The following TBC1D15 variants were observed in gnomAD, a reference collection of about 807,000 sequenced individuals.
The protein encoded by TBC1D15 is TBC1 domain family member 15.
TBC1D15 carries 39 observed loss-of-function variants against 95.4 expected under a neutral mutation model. The ratio of observed to expected loss-of-function variants is 0.41; its 90% CI spans 0.32 to 0.53. The LOEUF (loss-of-function observed/expected upper bound fraction) is 0.53, where lower values mean the gene tolerates loss of function less well. Among genes scored for constraint, TBC1D15 ranks in the 20% least tolerant of loss-of-function variants. The pLI, the probability that TBC1D15 is intolerant of heterozygous loss-of-function variation, is 0.29. For missense variants in TBC1D15, 733 were observed against 794.3 expected, an observed-to-expected ratio of 0.92 and a Z score of 0.93; for synonymous variants, 258 against 261.3, an observed-to-expected ratio of 0.99 and a Z score of 0.12.
At chr12:71,888,259 G>A (rs373574741) in intron 5 of TBC1D15, among the ~76,000 whole-genome samples, 15 of 152,226 alleles carry the variant, frequency 9.9e-5, no homozygotes, top group African/African-American at 2.6e-4. Context: ...TGAGGTGGGC[G>A]GATCACTTGA....
intron 1 of TBC1D15, among the ~76,000 whole-genome samples, chr12:71,855,628 A>G (rs1023837101): frequency 1.4e-5 from 2 of 141,102 alleles, no homozygotes; most frequent in Admixed American, 7.8e-5. Context: ...AGATCGCACC[A>G]CTGCACTCCA....
At chr12:71,866,326 C>T (rs1365931066) in intron 1 of TBC1D15, among the ~76,000 whole-genome samples, 1 of 152,212 alleles carries the variant, frequency 6.6e-6, no homozygotes, top group African/African-American at 2.4e-5. Flanking sequence ...TGGGGGAGCA[C>T]AGCTATTTAG....
chr12:71,903,672 A>G (rs149180212), intron 10 of TBC1D15, among the ~76,000 whole-genome samples: 85 of 152,366 alleles, frequency 5.6e-4, no homozygotes, highest in Middle Eastern at 6.8e-3. Context: ...GCACCATAGA[A>G]TGCTATGCAG....
chr12:71,896,418 A>C (rs972828319), intron 8 of TBC1D15: 2 of 458,020 alleles, frequency 4.4e-6, no homozygotes, highest in African/African-American at 4.1e-5. Flanking sequence ...GCTTAGACTC[A>C]CCAGTCACAC....
At chr12:71,871,159 T>G (rs1223317155) in intron 1 of TBC1D15, among the ~76,000 whole-genome samples, 2 of 152,186 alleles carry the variant, frequency 1.3e-5, no homozygotes, top group Non-Finnish European at 2.9e-5. Flanking sequence ...CCTTAAATGT[T>G]TAAACTTACT....
At chr12:71,874,757 G>A (rs1048365212) in intron 3 of TBC1D15, among the ~76,000 whole-genome samples, 27 of 150,538 alleles carry the variant, frequency 1.8e-4, no homozygotes, top group Non-Finnish European at 3.8e-4. Flanking sequence ...CAAGTAGCTG[G>A]GATTACAGGT....
chr12:71,896,634 C>T (rs775911576), intron 8 of TBC1D15, 43 bp from the exon 9 acceptor site: 23 of 1,520,064 alleles, frequency 1.5e-5, no homozygotes, highest in South Asian at 2.4e-5. Context: ...TACAGTATTA[C>T]ATTCTTTTTC....
intron 1 of TBC1D15, among the ~76,000 whole-genome samples, chr12:71,858,421 C>A (rs328784): frequency 0.028 from 4,283 of 151,726 alleles, 204 homozygotes; most frequent in African/African-American, 0.097. Context: ...TAGATTGACT[C>A]CGTATCTTGG....
Position 71,924,272 on chromosome 12 carries a change from G to T in TBC1D15, c.*1068G>T, listed in dbSNP as rs1426337121. On this transcript the variant is annotated 3_prime_UTR_variant, in exon 17 of 17. Transcript: ENST00000485960. ...ACTGATTTTGTTTTAATTGTAAGTT[G>T]TTAACTCCTGTATATATCATTAAAA... The T allele has an allele frequency of 6.6e-6, 1 of 152,574 alleles. No homozygotes were observed. Among genetic ancestry groups the T allele is most frequent in the East Asian group, 1.9e-4 (1 of 5,190 alleles). The allele number at this position is 152,574 out of a possible 1,614,324, so 9.5% of individuals were successfully genotyped here. A position where few individuals can be genotyped will look rare whatever the true frequency, so the allele number is the denominator to read the frequency against.
chr12:71,888,220 ATGCC>A (rs1896603764), intron 5 of TBC1D15, among the ~76,000 whole-genome samples: 2 of 152,232 alleles, frequency 1.3e-5, no homozygotes, highest in Non-Finnish European at 2.9e-5. Flanking sequence ...ACACTGGCCT[ATGCC>A]TGTAATCCCA....
chr12:71,867,466 T>C (rs1032017464), intron 1 of TBC1D15, among the ~76,000 whole-genome samples: 6 of 152,224 alleles, frequency 3.9e-5, no homozygotes, highest in African/African-American at 1.4e-4. Context: ...TTTTGACTTA[T>C]TCAGGGTGGC....
chr12:71,875,655 T>C (rs1893651279), intron 3 of TBC1D15, among the ~76,000 whole-genome samples: 1 of 152,134 alleles, frequency 6.6e-6, no homozygotes, highest in African/African-American at 2.4e-5. Context: ...TTTGAGTTAA[T>C]TTTTGTGTAT....
intron 1 of TBC1D15, among the ~76,000 whole-genome samples, chr12:71,863,206 G>A (rs12298153): frequency 0.017 from 2,624 of 151,978 alleles, 79 homozygotes; most frequent in African/African-American, 0.06. Context: ...GTGAAACCCC[G>A]TTTCTACTAA....
chr12:71,914,484 A>G (rs899898221), intron 12 of TBC1D15, among the ~76,000 whole-genome samples: 11 of 152,030 alleles, frequency 7.2e-5, no homozygotes, highest in Admixed American at 5.9e-4. Flanking sequence ...TTTATCTATT[A>G]TCATTGTTAA....
At chr12:71,874,561 A>G (rs1893372686) in intron 3 of TBC1D15, among the ~76,000 whole-genome samples, 1 of 150,994 alleles carries the variant, frequency 6.6e-6, no homozygotes, top group African/African-American at 2.4e-5. Flanking sequence ...GGCCAACTGT[A>G]TCTTCTTTGG....
intron 12 of TBC1D15, among the ~76,000 whole-genome samples, chr12:71,915,434 T>G (rs1903442658): frequency 7.1e-6 from 1 of 140,076 alleles, no homozygotes. Context: ...TTTAAATTGC[T>G]ATAGTAGATA....
chr12:71,877,905 T>G (rs932197289), intron 3 of TBC1D15, among the ~76,000 whole-genome samples: 3 of 152,204 alleles, frequency 2.0e-5, no homozygotes, highest in Non-Finnish European at 2.9e-5. Context: ...TTGTTGCTTA[T>G]GTAGTGTGGG....
chr12:71,885,766 C>T (rs1220908560), intron 5 of TBC1D15, among the ~76,000 whole-genome samples: 1 of 151,790 alleles, frequency 6.6e-6, no homozygotes, highest in Non-Finnish European at 1.5e-5. Context: ...AGGAAGACTT[C>T]CTGGAGGAAG....
At chr12:71,899,822 T>C (rs1035142331) in intron 10 of TBC1D15, among the ~76,000 whole-genome samples, 3 of 152,112 alleles carry the variant, frequency 2.0e-5, no homozygotes, top group Non-Finnish European at 4.4e-5. Flanking sequence ...AGCCCGGCCA[T>C]GGTGGCTCAC....
Sources: allele counts gnomAD v4.1 joint callset (sites outside exome capture counted in the v4.1 genomes callset), GRCh38; gene constraint gnomAD v4.1.1; transcripts MANE v1.5; gene names NCBI Gene and HGNC (gene_info 2026-07-23, HGNC 2026-07-21).